AGBL4: variants seen among roughly 807,000 people sequenced by gnomAD.
AGBL4 encodes cytosolic carboxypeptidase 6.
In AGBL4, 58 loss-of-function variants were observed where a neutral mutation model predicts 66.4. The observed-to-expected ratio is 0.87, with a 90% CI of 0.71 to 1.09. AGBL4 has a LOEUF of 1.09. Ranked by LOEUF, AGBL4 falls within the 50% of genes least tolerant of loss-of-function variation. AGBL4 has a pLI of 0.00. For missense variants in AGBL4, 579 were observed against 631.0 expected, an observed-to-expected ratio of 0.92 and a Z score of 0.88; for synonymous variants, 234 against 222.9, an observed-to-expected ratio of 1.05 and a Z score of -0.44.
intron 4 of AGBL4, among the ~76,000 whole-genome samples, chr1:49,138,164 G>A (rs1238366870): frequency 6.6e-6 from 1 of 152,092 alleles, no homozygotes. Context: ...ACGTTAGAGA[G>A]CCTTGAATGC....
intron 10 of AGBL4, among the ~76,000 whole-genome samples, chr1:48,588,856 A>AGAAGAGAAGG (rs1422934499): frequency 7.0e-6 from 1 of 143,192 alleles, no homozygotes; most frequent in East Asian, 2.1e-4. Context: ...AGAAGAGAAG[A>AGAAGAGAAGG]GAAGGGAAGA....
At chr1:48,848,726 C>A (rs1159576901) in intron 6 of AGBL4, among the ~76,000 whole-genome samples, 1 of 152,120 alleles carries the variant, frequency 6.6e-6, no homozygotes, top group Admixed American at 6.5e-5. Flanking sequence ...GTGAAGTCTG[C>A]CGTATTGTGT....
At chr1:48,884,969 A>G (rs1330903020) in intron 5 of AGBL4, among the ~76,000 whole-genome samples, 1 of 87,920 alleles carries the variant, frequency 1.1e-5, no homozygotes, top group Non-Finnish European at 2.4e-5. Context: ...AAAGAGAGAG[A>G]GGCAGATTTA....
intron 6 of AGBL4, among the ~76,000 whole-genome samples, chr1:48,838,282 T>G (rs909969988): frequency 1.3e-5 from 2 of 152,050 alleles, no homozygotes; most frequent in Non-Finnish European, 2.9e-5. Flanking sequence ...TTACCTGACA[T>G]CAAAGTATAC....
intron 2 of AGBL4, among the ~76,000 whole-genome samples, chr1:49,820,835 C>A (rs910417234): frequency 2.6e-5 from 4 of 152,256 alleles, no homozygotes; most frequent in African/African-American, 9.6e-5. Context: ...GGGCTGAACT[C>A]CAGATTCTGC....
intron 3 of AGBL4, among the ~76,000 whole-genome samples, chr1:49,449,952 T>C (rs1017546731): frequency 6.6e-6 from 1 of 152,152 alleles, no homozygotes; most frequent in South Asian, 2.1e-4. Flanking sequence ...TTCAGAATCA[T>C]GTGGGAATGT....
chr1:49,704,308 A>G (rs1647160303), intron 2 of AGBL4, among the ~76,000 whole-genome samples: 1 of 152,110 alleles, frequency 6.6e-6, no homozygotes. Context: ...CAGAATGGAG[A>G]GTACAGAAAT....
intron 1 of AGBL4, among the ~76,000 whole-genome samples, chr1:49,957,273 C>T (rs914935727): frequency 3.3e-5 from 5 of 151,856 alleles, no homozygotes; most frequent in Admixed American, 2.6e-4. Context: ...ACTGCTTTAC[C>T]TCCAACTATG....
At chr1:49,007,412 G>A (rs1331467200) in intron 5 of AGBL4, among the ~76,000 whole-genome samples, 2 of 150,592 alleles carry the variant, frequency 1.3e-5, no homozygotes, top group African/African-American at 4.9e-5. Flanking sequence ...TGGTGTACCT[G>A]AAAGTGACGG....
At chr1:49,369,513 A>C (rs1644300318) in intron 3 of AGBL4, among the ~76,000 whole-genome samples, 1 of 152,204 alleles carries the variant, frequency 6.6e-6, no homozygotes, top group Non-Finnish European at 1.5e-5. Context: ...TGACCCTATG[A>C]TTACCCAGTT....
intron 2 of AGBL4, among the ~76,000 whole-genome samples, chr1:49,716,355 C>G (rs958628665): frequency 2.0e-5 from 3 of 152,028 alleles, no homozygotes; most frequent in Non-Finnish European, 4.4e-5. Flanking sequence ...GTAACTGTAG[C>G]CTTGTAGTAT....
At chr1:49,152,489 G>A (rs1336760785) in intron 4 of AGBL4, among the ~76,000 whole-genome samples, 2 of 152,206 alleles carry the variant, frequency 1.3e-5, no homozygotes, top group Non-Finnish European at 2.9e-5. Flanking sequence ...CAAACAGGTG[G>A]ATAAGAGGAA....
intron 2 of AGBL4, among the ~76,000 whole-genome samples, chr1:49,832,961 G>A (rs1205702203): frequency 6.6e-6 from 1 of 151,894 alleles, no homozygotes; most frequent in African/African-American, 2.4e-5. Context: ...CACTCTGATG[G>A]TAGTTTCTTT....
At chr1:49,945,764 G>T (rs898689767) in intron 1 of AGBL4, among the ~76,000 whole-genome samples, 2 of 152,042 alleles carry the variant, frequency 1.3e-5, no homozygotes, top group Non-Finnish European at 2.9e-5. Flanking sequence ...AAAAGATACA[G>T]AATTGCAAAA....
intron 7 of AGBL4, among the ~76,000 whole-genome samples, chr1:48,659,193 G>C (rs893818355): frequency 1.5e-4 from 16 of 105,796 alleles, no homozygotes; most frequent in Admixed American, 6.8e-4. Flanking sequence ...CTGTGCCTGG[G>C]GCTGACCCAC....
At chr1:49,932,094 A>G (rs1002261072) in intron 1 of AGBL4, among the ~76,000 whole-genome samples, 8 of 152,190 alleles carry the variant, frequency 5.3e-5, no homozygotes, top group Non-Finnish European at 1.0e-4. Flanking sequence ...AATCTAAAAC[A>G]TTTCTTTTCC....
chr1:49,555,194 G>C (rs941216266), intron 3 of AGBL4, among the ~76,000 whole-genome samples: 2 of 152,058 alleles, frequency 1.3e-5, no homozygotes, highest in Non-Finnish European at 2.9e-5. Context: ...TTGACAGGGT[G>C]CTGATTGGTG....
At chr1:48,634,255 T>C (rs1005885520) in intron 9 of AGBL4, 6 of 341,174 alleles carry the variant, frequency 1.8e-5, no homozygotes, top group Middle Eastern at 8.6e-4. Context: ...TCCAATATAT[T>C]TCCTTTAACC....
chr1:48,591,350 C>A (rs536082312), intron 9 of AGBL4, among the ~76,000 whole-genome samples: 1 of 152,114 alleles, frequency 6.6e-6, no homozygotes. Flanking sequence ...ACTAGACATT[C>A]GTGGAATTTA....
Sources: gnomAD v4.1 joint callset for allele counts (sites outside exome capture counted in the v4.1 genomes callset) on GRCh38, gnomAD v4.1.1 for gene constraint, MANE v1.5 for transcripts, NCBI Gene and HGNC (gene_info 2026-07-23, HGNC 2026-07-21) for gene names.